The following DNAJC6 variants were observed in gnomAD, a reference collection of about 807,000 sequenced individuals.
The protein encoded by DNAJC6 is DnaJ heat shock protein family (Hsp40) member C6.
A neutral mutation model predicts 110.0 loss-of-function variants in DNAJC6; 34 were observed. The observed-to-expected ratio is 0.31, with a 90% CI of 0.24 to 0.41. The LOEUF (loss-of-function observed/expected upper bound fraction) is 0.41, where lower values mean the gene tolerates loss of function less well. Among genes scored for constraint, DNAJC6 ranks in the 10% least tolerant of loss-of-function variants. The pLI is 1.00. For synonymous variants in DNAJC6, 406 were observed against 437.2 expected (o/e 0.93, Z 0.89); for missense variants, 1,031 against 1,207.8 (o/e 0.85, Z 2.17).
Position 65,282,386 on chromosome 1 carries a change from C to A in DNAJC6, c.-131+17454C>A, listed in dbSNP as rs1418696400. On this transcript the variant is annotated intron_variant, in intron 1 of 19. Coordinates refer to the DNAJC6 transcript ENST00000263441. ...ACTTCAGACTTTTAAATAAAAGGCT[C>A]TATTTAGTTCATGTGAAAACTTTTA... Among the ~76,000 whole-genome samples, 5 of 152,294 alleles carry A rather than the reference C, an allele frequency of 3.3e-5. No homozygotes were observed. In the East Asian group the frequency reaches 9.6e-4, roughly 29 times the overall value.
intron 1 of DNAJC6, among the ~76,000 whole-genome samples, chr1:65,325,002 T>C (rs1645229467): frequency 6.6e-6 from 1 of 152,230 alleles, no homozygotes; most frequent in South Asian, 2.1e-4. Flanking sequence ...CTCATCAAGC[T>C]AATGGTACTT....
At chr1:65,266,048 G>A (rs1473358711) in intron 1 of DNAJC6, among the ~76,000 whole-genome samples, 1 of 152,260 alleles carries the variant, frequency 6.6e-6, no homozygotes, top group African/African-American at 2.4e-5. Flanking sequence ...GCAGGTGGGG[G>A]CTGGCACGCA....
intron 1 of DNAJC6, among the ~76,000 whole-genome samples, chr1:65,324,894 C>A (rs922741695): frequency 6.6e-6 from 1 of 152,094 alleles, no homozygotes; most frequent in African/African-American, 2.4e-5. Context: ...CTTTCCTGCC[C>A]AAAATGTCAA....
chr1:65,336,252 T>C (rs1645335482), intron 1 of DNAJC6, among the ~76,000 whole-genome samples: 1 of 152,134 alleles, frequency 6.6e-6, no homozygotes, highest in South Asian at 2.1e-4. Context: ...AAAAGTCCCC[T>C]ATGAAACTAT....
At chr1:65,301,908 G>A (rs1450748272) in intron 1 of DNAJC6, among the ~76,000 whole-genome samples, 2 of 151,622 alleles carry the variant, frequency 1.3e-5, no homozygotes, top group Admixed American at 1.3e-4. Context: ...TCTGGGATGA[G>A]GGTCTTATGA....
intron 1 of DNAJC6, among the ~76,000 whole-genome samples, chr1:65,343,742 T>TA (rs61021648): frequency 0.056 from 8,325 of 147,986 alleles, 238 homozygotes; most frequent in African/African-American, 0.07. Context: ...CCTGACTTAA[T>TA]AAAAAAAAAG....
intron 1 of DNAJC6, among the ~76,000 whole-genome samples, chr1:65,266,530 G>A (rs1228030418): frequency 6.6e-6 from 1 of 152,174 alleles, no homozygotes; most frequent in Non-Finnish European, 1.5e-5. Context: ...CTATGCATGT[G>A]CCTGGTAAGG....
chr1:65,363,442 AAGAG>A (rs1043622502), intron 1 of DNAJC6, among the ~76,000 whole-genome samples: 4 of 151,930 alleles, frequency 2.6e-5, no homozygotes, highest in African/African-American at 9.7e-5. Flanking sequence ...GAAAGAGAGA[AAGAG>A]AGAGAGAAAA....
upstream of DNAJC6, among the ~76,000 whole-genome samples, chr1:65,309,097 G>GGTCGCCGTATCATT: frequency 6.6e-6 from 1 of 152,122 alleles, no homozygotes; most frequent in African/African-American, 2.4e-5. Context: ...ATCTTCCGGT[G>GGTCGCCGTATCATT]AAAATAGGCT....
At chr1:65,358,917 A>G (rs1214757705) in intron 1 of DNAJC6, among the ~76,000 whole-genome samples, 1 of 152,186 alleles carries the variant, frequency 6.6e-6, no homozygotes, top group East Asian at 1.9e-4. Flanking sequence ...AGATGGAATT[A>G]TCCACAGCCC....
intron 1 of DNAJC6, among the ~76,000 whole-genome samples, chr1:65,299,617 G>A (rs1432316255): frequency 6.6e-6 from 1 of 152,088 alleles, no homozygotes; most frequent in African/African-American, 2.4e-5. Flanking sequence ...AGCTCTTTAT[G>A]TACTTTATGT....
In DNAJC6 at chr1:65,392,852, A is replaced by T; in HGVS notation, c.1890A>T (p.Leu630=). The T allele has an allele frequency of 2.0e-6, 3 of 1,519,250 alleles. No homozygotes were observed. The highest frequency in any genetic ancestry group is 2.6e-6 in the Non-Finnish European group (3 of 1,134,632). 94.1% of individuals were successfully genotyped at this position (1,519,250 alleles called of 1,614,324 possible). ...SATSTSASPT[L]RVGEGATFDP... is the part of the protein sequence containing the mutation. The stretch of plus-strand genomic sequence containing the variant: ...CCTCCACCTCTGCGTCTCCAACCCT[A>T]AGAGTGGGAGAAGGTAATTTTTTCT... Residue 630 remains leucine (L), a synonymous_variant, in exon 12 of 19, where the codon CTA becomes CTT. Coordinates refer to ENST00000371069, the MANE Select transcript of DNAJC6 (RefSeq NM_001256864.2).
chr1:65,279,868 C>T (rs1000803094), intron 1 of DNAJC6: 5 of 152,054 alleles, frequency 3.3e-5, no homozygotes, highest in African/African-American at 9.7e-5. Flanking sequence ...AATTTGGGCA[C>T]GGCATATGTC....
At chr1:65,279,208 G>A (rs577751973) in intron 1 of DNAJC6, 1 of 974,956 alleles carries the variant, frequency 1.0e-6, no homozygotes, top group South Asian at 4.8e-5. Flanking sequence ...CTTTGGGGGA[G>A]GGGCGGTGAT....
rs534582930 is a variant in DNAJC6 at position 65,395,476 on chromosome 1, G to A, written c.2038+444G>A. ...TAGTCCACAAAATTGGTATTCCAAA[G>A]AACAAAGTTTGGGATATGATAGCCA... is the stretch of plus-strand genomic sequence containing the variant. On this transcript the variant is annotated intron_variant, in intron 13 of 18. Coordinates refer to ENST00000371069, the MANE Select transcript of DNAJC6 (RefSeq NM_001256864.2). Among the ~76,000 whole-genome samples the A allele has an allele frequency of 1.5e-4, 23 of 152,250 alleles. 1 individual carries two copies. The East Asian group carries it at 4.1e-3, about 27-fold the overall frequency.
chr1:65,380,924 T>TG (rs1330814710), intron 5 of DNAJC6, among the ~76,000 whole-genome samples: 1 of 133,252 alleles, frequency 7.5e-6, no homozygotes, highest in Admixed American at 7.1e-5. Context: ...TTGTTTTGTT[T>TG]TTTTTTTTTT....
In DNAJC6 at chr1:65,401,687, A is replaced by ACTCTG. The variant is rs1250518109; in HGVS notation, c.2108-73_2108-69dup. The ACTCTG allele has an allele frequency of 2.6e-6, 4 of 1,561,004 alleles. No individual in the cohort carries two copies. The African/African-American group carries it at 5.5e-5, about 22-fold the overall frequency. Reference sequence around the variant, plus strand: ...TTGCCTAGGAGACAAATAAACAGTAACTCTGGAATTCTGAATTTCACAATT... The same window carrying ACTCTG: ...TTGCCTAGGAGACAAATAAACAGTAACTCTGCTCTGGAATTCTGAATTTCACAATT... On this transcript the variant is annotated intron_variant, in intron 14 of 18. Transcript: ENST00000371069.
chr1:65,389,532 C>T lies in DNAJC6; in HGVS notation c.1388-15C>T, dbSNP rs1321607128. ...CTGTGTCTCATTGATGCTACATGGTCTTTTTGTCTTGCAGGACAGGCTCCA... is the reference window on the plus strand; with the variant it reads ...CTGTGTCTCATTGATGCTACATGGTTTTTTTGTCTTGCAGGACAGGCTCCA... On this transcript the variant is annotated splice_polypyrimidine_tract_variant and intron_variant, in intron 10 of 18. Transcript: ENST00000371069. 6.2e-7 allele frequency: 1 copy of T among 1,614,088 alleles called. No individual in the cohort carries two copies. The highest frequency in any genetic ancestry group is 1.7e-5 in the Admixed American group (1 of 60,008).
chr1:65,304,907 A>G (rs1645023202), upstream of DNAJC6, among the ~76,000 whole-genome samples: 1 of 152,226 alleles, frequency 6.6e-6, no homozygotes, highest in East Asian at 1.9e-4. Context: ...AATGTTTTTC[A>G]TTTTAAGAAG....
Sources: gnomAD v4.1 joint callset for allele counts (sites outside exome capture counted in the v4.1 genomes callset) on GRCh38, gnomAD v4.1.1 for gene constraint, MANE v1.5 for transcripts, NCBI Gene and HGNC (gene_info 2026-07-23, HGNC 2026-07-21) for gene names.